Variants in MAPK8IP1 observed in about 807,000 individuals in gnomAD.
MAPK8IP1 encodes the protein mitogen-activated protein kinase 8 interacting protein 1, also known as C-Jun-amino-terminal kinase-interacting protein 1.
MAPK8IP1 carries 17 observed loss-of-function variants against 72.6 expected under a neutral mutation model. The ratio of observed to expected loss-of-function variants is 0.23; its 90% CI spans 0.16 to 0.35. The LOEUF is 0.35. MAPK8IP1 is among the 10% of genes least tolerant of loss of function. MAPK8IP1 has a pLI of 1.00. For missense variants in MAPK8IP1, 789 were observed against 1,009.7 expected (o/e 0.78, Z 2.96); for synonymous variants, 401 against 443.4 (o/e 0.90, Z 1.20).
At chr11:45,897,030 A>G (rs996795763) in intron 1 of MAPK8IP1, 17 of 1,463,756 alleles carry the variant, frequency 1.2e-5, no homozygotes, top group Non-Finnish European at 1.5e-5. Flanking sequence ...GATCTGAATG[A>G]GGCGAGTGGC....
chr11:45,890,016 C>A (rs1348476951), intron 1 of MAPK8IP1, among the ~76,000 whole-genome samples: 1 of 152,188 alleles, frequency 6.6e-6, no homozygotes, highest in Non-Finnish European at 1.5e-5. Flanking sequence ...GGTCAAGGGA[C>A]CCAGGCTCAG....
rs1033895701 is a variant in MAPK8IP1, at chr11:45,900,395, G to A, written c.465G>A (p.Thr155=). The change falls in exon 3 of 12, where the codon ACG becomes ACA. Residue 155 remains threonine, a synonymous_variant. Transcript: ENST00000241014. This position sits in a 1 kb window ranked among gnomAD's most constrained non-coding sequence, Gnocchi z 6.5. ...GCCAGGGCCCGGGCAGCGGGGACAC[G>A]TACCGGCCCAAGCGGCCCACCACGC... ...GQSQGPGSGD[T]YRPKRPTTLN... The A allele has an allele frequency of 3.3e-6, 5 of 1,529,324 alleles. No individual in the cohort carries two copies. In the Admixed American group the frequency reaches 5.9e-5, roughly 18 times the overall value. 94.7% of individuals were successfully genotyped at this position (1,529,324 alleles called of 1,614,324 possible).
At chr11:45,887,441 G>A (rs2086536217) in intron 1 of MAPK8IP1, among the ~76,000 whole-genome samples, 1 of 152,200 alleles carries the variant, frequency 6.6e-6, no homozygotes. Flanking sequence ...CCCCAAGAGA[G>A]GGTAGTGACC....
At chr11:45,897,802 C>T (rs559303985) in intron 1 of MAPK8IP1, among the ~76,000 whole-genome samples, 1 of 152,336 alleles carries the variant, frequency 6.6e-6, no homozygotes, top group East Asian at 1.9e-4. Context: ...CTTCTAAGCA[C>T]TGCCTGCTGG....
chr11:45,898,322 A>G (rs1267779026), intron 2 of MAPK8IP1, 132 bp downstream of exon 2: 5 of 662,702 alleles, frequency 7.5e-6, no homozygotes, highest in African/African-American at 1.8e-5. Context: ...ATGATGTGCA[A>G]GAAACATAGG....
chr11:45,904,965 C>T lies in MAPK8IP1; in HGVS notation c.1894-6C>T, dbSNP rs534893367. On this transcript the variant is annotated splice_polypyrimidine_tract_variant and splice_region_variant and intron_variant, in intron 9 of 11. Coordinates refer to ENST00000241014, the MANE Select transcript of MAPK8IP1 (RefSeq NM_005456.4). The surrounding 1 kb of genome is among the most constrained non-coding windows in gnomAD (Gnocchi z 6.4). Reference sequence around the variant, plus strand: ...CGCCCTCTTGCTTCTTTTCTCCCTCCTGTAGGGGAATAAATGTAGCCACTT... The same window carrying T: ...CGCCCTCTTGCTTCTTTTCTCCCTCTTGTAGGGGAATAAATGTAGCCACTT... 1.9e-6 allele frequency: 3 copies of T among 1,613,924 alleles called. No homozygotes were observed. Among genetic ancestry groups the T allele is most frequent in the South Asian group, 2.2e-5 (2 of 91,080 alleles).
At chr11:45,888,251 A>G (rs2086542326) in intron 1 of MAPK8IP1, among the ~76,000 whole-genome samples, 1 of 152,208 alleles carries the variant, frequency 6.6e-6, no homozygotes, top group Admixed American at 6.5e-5. Flanking sequence ...TGGTATCCCC[A>G]TTGCTCAGCA....
At chr11:45,891,726 A>G (rs1312488386) in intron 1 of MAPK8IP1, among the ~76,000 whole-genome samples, 3 of 152,234 alleles carry the variant, frequency 2.0e-5, no homozygotes, top group Non-Finnish European at 4.4e-5. Flanking sequence ...TGGATCATAT[A>G]TGCTGTCTTT....
Position 45,905,708 on chromosome 11 carries a change from T to G in MAPK8IP1, c.2123T>G (p.Ile708Ser). 1 of 1,613,754 alleles carries G rather than the reference T, an allele frequency of 6.2e-7. No individual in the cohort carries two copies. The highest frequency in any genetic ancestry group is 8.5e-7 in the Non-Finnish European group (1 of 1,179,830). Residue 708 changes from isoleucine (I) to serine (S), a missense_variant, in exon 12 of 12, where the codon ATC becomes AGC. Around this residue, in one of 4 missense-constraint regions of MAPK8IP1, gnomAD observed 188 missense variants for 293.3 expected, o/e 0.64. Transcript: ENST00000241014. ...FVEYTCPTEDIYLE is the reference protein window; with the variant it reads ...FVEYTCPTEDSYLE ...GAGTACACCTGCCCCACAGAAGATA[T>G]CTACCTGGAGTAGCTGTGCAGCCCC...
Position 45,904,971 on chromosome 11 carries a change from G to C in MAPK8IP1, c.1894G>C (p.Gly632Arg). ...CTTGCTTCTTTTCTCCCTCCTGTAG[G>C]GGAATAAATGTAGCCACTTTTTCCA... ...VKADDSQEAK[G>R]NKCSHFFQLK... The change falls in exon 10 of 12, where the codon GGG (glycine) becomes CGG (arginine). Residue 632 changes from glycine (G) to arginine (R), a missense_variant and splice_region_variant. Coordinates refer to ENST00000241014, the MANE Select transcript of MAPK8IP1 (RefSeq NM_005456.4). This position sits in a 1 kb window ranked among gnomAD's most constrained non-coding sequence, Gnocchi z 6.4. 1 of 1,613,922 alleles carries C rather than the reference G, an allele frequency of 6.2e-7. No individual in the cohort carries two copies. Among genetic ancestry groups the C allele is most frequent in the South Asian group, 1.1e-5 (1 of 91,078 alleles).
rs574647307 is a variant in MAPK8IP1, at chr11:45,902,057, G to A, written c.600G>A (p.Lys200=). The change falls in exon 4 of 12, where the codon AAG becomes AAA. Residue 200 remains lysine (K), a synonymous_variant. Coordinates refer to ENST00000241014, the MANE Select transcript of MAPK8IP1 (RefSeq NM_005456.4). This position sits in a 1 kb window ranked among gnomAD's most constrained non-coding sequence, Gnocchi z 9.3. ...DRVSRSSSPL[K]TGEQTPPHEH... is the part of the protein sequence containing the mutation. ...TGTCTCGATCATCCTCACCCCTGAA[G>A]ACAGGTAAGTCAGGGCCCTCTTCCT... The A allele has an allele frequency of 6.8e-6, 11 of 1,613,810 alleles. No homozygotes were observed. Among genetic ancestry groups the A allele is most frequent in the African/African-American group, 1.3e-5 (1 of 74,908 alleles).
chr11:45,892,441 C>T (rs949666050), intron 1 of MAPK8IP1, among the ~76,000 whole-genome samples: 2 of 152,190 alleles, frequency 1.3e-5, no homozygotes, highest in African/African-American at 4.8e-5. Context: ...TTGATCAAAA[C>T]AGATATGATC....
In MAPK8IP1 at chr11:45,896,530, C is replaced by T. The variant is rs2086607012; in HGVS notation, c.102-1555C>T. Reference sequence around the variant, plus strand: ...GCCCCCGACAGGGGCATTGGAAGGGCAGGTGGAGCCAGTGGCATTGATTGC... The same window carrying T: ...GCCCCCGACAGGGGCATTGGAAGGGTAGGTGGAGCCAGTGGCATTGATTGC... On this transcript the variant is annotated intron_variant, in intron 1 of 11. Coordinates refer to ENST00000241014, the MANE Select transcript of MAPK8IP1 (RefSeq NM_005456.4). 1.0e-5 allele frequency: 11 copies of T among 1,102,102 alleles called. No individual in the cohort carries two copies. In the South Asian group the frequency reaches 3.9e-4, roughly 39 times the overall value. The allele number at this position is 1,102,102 out of a possible 1,614,324, so 68.3% of individuals were successfully genotyped here.
Position 45,898,152 on chromosome 11 carries a change from G to A in MAPK8IP1, c.169G>A (p.Gly57Ser). The A allele has an allele frequency of 6.2e-7, 1 of 1,613,704 alleles. No individual in the cohort carries two copies. Among genetic ancestry groups the A allele is most frequent in the Non-Finnish European group, 8.5e-7 (1 of 1,179,778 alleles). The change falls in exon 2 of 12, where the codon GGC becomes AGC. Residue 57 changes from glycine (G) to serine (S), a missense_variant. Coordinates refer to ENST00000241014, the MANE Select transcript of MAPK8IP1 (RefSeq NM_005456.4). ...EDLSEITDEC[G>S]ISLQCKDTLS... ...CCTCTCGGAGATCACTGATGAGTGTGGCATCAGCTTACAGTGCAAAGACAC... is the reference window on the plus strand; with the variant it reads ...CCTCTCGGAGATCACTGATGAGTGTAGCATCAGCTTACAGTGCAAAGACAC...
At chr11:45,897,090 C>T (rs1180273258) in intron 1 of MAPK8IP1, 3 of 837,356 alleles carry the variant, frequency 3.6e-6, no homozygotes, top group Non-Finnish European at 5.8e-6. Context: ...CACCATCTCT[C>T]CTGGGTGACC....
Position 45,900,524 on chromosome 11 carries a change from A to T in MAPK8IP1, c.522+72A>T. 6.7e-7 allele frequency: 1 copy of T among 1,496,422 alleles called. No homozygotes were observed. Among genetic ancestry groups the T allele is most frequent in the Non-Finnish European group, 8.9e-7 (1 of 1,122,168 alleles). 92.7% of individuals were successfully genotyped at this position (1,496,422 alleles called of 1,614,324 possible). ...GTGAGGGGGAGCGCAGAGGGGCTGC[A>T]GCGGGAAGGGGCACCCACGGGTCCA... On this transcript the variant is annotated intron_variant, in intron 3 of 11. Transcript: ENST00000241014. This position sits in a 1 kb window ranked among gnomAD's most constrained non-coding sequence, Gnocchi z 6.5.
rs1290236871 is a variant in MAPK8IP1, at chr11:45,900,279, C to A, written c.349C>A (p.Arg117Ser). ...EDDEEDDDEE[R>S]AARRPGAGPP... ...CGACGAGGAGGACGACGACGAGGAG[C>A]GCGCGGCCCGGCGGCCGGGAGCGGG... The change falls in exon 3 of 12, where the codon CGC becomes AGC. Residue 117 changes from arginine (R) to serine (S), a missense_variant. Coordinates refer to ENST00000241014, the MANE Select transcript of MAPK8IP1 (RefSeq NM_005456.4). The surrounding 1 kb of genome is among the most constrained non-coding windows in gnomAD (Gnocchi z 6.5). 107 of 1,329,568 alleles carry A rather than the reference C, an allele frequency of 8.0e-5. No individual in the cohort carries two copies. Among genetic ancestry groups the A allele is most frequent in the Non-Finnish European group, 1.0e-4 (105 of 1,046,532 alleles). 82.4% of individuals were successfully genotyped at this position (1,329,568 alleles called of 1,614,324 possible). A position where few individuals can be genotyped will look rare whatever the true frequency, so the allele number is the denominator to read the frequency against.
At chr11:45,892,143 C>T (rs1353542238) in intron 1 of MAPK8IP1, among the ~76,000 whole-genome samples, 1 of 152,172 alleles carries the variant, frequency 6.6e-6, no homozygotes, top group Admixed American at 6.5e-5. Context: ...ACCCAAAGAA[C>T]AAACCCAGCC....
rs1484726541 is a variant in MAPK8IP1 at position 45,904,029 on chromosome 11, G to A, written c.1534G>A (p.Asp512Asn). 3 of 1,613,978 alleles carry A rather than the reference G, an allele frequency of 1.9e-6. No individual in the cohort carries two copies. The highest frequency in any genetic ancestry group is 3.3e-5 in the Admixed American group (2 of 60,030). The change falls in exon 7 of 12, where the codon GAT becomes AAT. Residue 512 changes from aspartate (D) to asparagine (N), a missense_variant. Asp to Asn is a conservative substitution (Grantham distance 23). Around this residue, in one of 4 missense-constraint regions of MAPK8IP1, gnomAD observed 188 missense variants for 293.3 expected, o/e 0.64. Transcript: ENST00000241014. This position sits in a 1 kb window ranked among gnomAD's most constrained non-coding sequence, Gnocchi z 6.4. The part of the protein sequence containing the change: ...RHEDELELEV[D>N]DPLLVELQAE... ...CGAAGACGAACTTGAGCTGGAAGTGGATGACCCTCTGCTAGTGGAGCTCCA... is the reference window on the plus strand; with the variant it reads ...CGAAGACGAACTTGAGCTGGAAGTGAATGACCCTCTGCTAGTGGAGCTCCA...
Sources: gnomAD v4.1 joint callset for allele counts (sites outside exome capture counted in the v4.1 genomes callset) on GRCh38, gnomAD v4.1.1 for gene constraint, gnomAD v4.1.1 regional missense constraint, Gnocchi (gnomAD v3.1) non-coding constraint, MANE v1.5 for transcripts, NCBI Gene and HGNC (gene_info 2026-07-23, HGNC 2026-07-21) for gene names.